Variants in CD247 observed in about 807,000 individuals in gnomAD.
The protein encoded by CD247 is T-cell surface glycoprotein CD3 zeta chain.
A neutral mutation model predicts 30.0 loss-of-function variants in CD247; 13 were observed. The observed-to-expected ratio is 0.43, with a 90% CI of 0.28 to 0.69. CD247 has a LOEUF of 0.69. Among genes scored for constraint, CD247 ranks in the 30% least tolerant of loss-of-function variants. CD247 has a pLI of 0.16. For missense variants in CD247, 193 were observed against 212.6 expected, an observed-to-expected ratio of 0.91 and a Z score of 0.57; for synonymous variants, 72 against 80.0, an observed-to-expected ratio of 0.90 and a Z score of 0.53.
chr1:167,431,491 C>T lies in CD247; in HGVS notation c.*190G>A. 1 of 674,224 alleles carries T rather than the reference C, an allele frequency of 1.5e-6. No individual in the cohort carries two copies. 41.8% of individuals were successfully genotyped at this position (674,224 alleles called of 1,614,324 possible). ...GGGCCGTAAGCCCTGGGAGTACACT[C>T]CCTTAAAGAGTGCAGGGACAACAGT... On this transcript the variant is annotated 3_prime_UTR_variant, in exon 8 of 8. Transcript: ENST00000362089.
At chr1:167,465,688 G>C (rs534158021) in intron 1 of CD247, among the ~76,000 whole-genome samples, 1 of 152,294 alleles carries the variant, frequency 6.6e-6, no homozygotes, top group African/African-American at 2.4e-5. Flanking sequence ...CAGCAACTGG[G>C]CAGTGAAAGA....
intron 1 of CD247, among the ~76,000 whole-genome samples, chr1:167,481,473 A>G (rs1214607): frequency 0.52 from 78,913 of 151,974 alleles, 20,773 homozygotes; most frequent in Admixed American, 0.62. Context: ...TTGGGAGCAG[A>G]GGGAGGATGG....
At chr1:167,476,137 C>A (rs1653735566) in intron 1 of CD247, among the ~76,000 whole-genome samples, 1 of 152,172 alleles carries the variant, frequency 6.6e-6, no homozygotes, top group Non-Finnish European at 1.5e-5. Context: ...GGTCCCCCTT[C>A]AGAAGAAAAG....
intron 1 of CD247, among the ~76,000 whole-genome samples, chr1:167,486,110 A>G (rs1368870052): frequency 1.3e-5 from 2 of 152,260 alleles, no homozygotes; most frequent in East Asian, 3.8e-4. Flanking sequence ...CAAGACAGCA[A>G]GAGAACAGGC....
At chr1:167,488,884 GA>G (rs1226377329) in intron 1 of CD247, among the ~76,000 whole-genome samples, 3 of 152,216 alleles carry the variant, frequency 2.0e-5, no homozygotes, top group Non-Finnish European at 4.4e-5. Context: ...AAAACCCAGG[GA>G]AGCGAGGGTG....
intron 1 of CD247, among the ~76,000 whole-genome samples, chr1:167,465,154 G>A (rs1374484621): frequency 1.3e-5 from 2 of 151,894 alleles, no homozygotes; most frequent in Non-Finnish European, 2.9e-5. Context: ...TCCAGACAGA[G>A]AATCATGTGT....
At chr1:167,439,664 G>T in intron 2 of CD247, 1 of 545,370 alleles carries the variant, frequency 1.8e-6, no homozygotes, top group East Asian at 3.2e-5. Context: ...ATTCTTCCCG[G>T]GCTAGCGCCC....
At chr1:167,468,570 G>A (rs1261581230) in intron 1 of CD247, among the ~76,000 whole-genome samples, 1 of 152,140 alleles carries the variant, frequency 6.6e-6, no homozygotes, top group African/African-American at 2.4e-5. Context: ...AGCCCAGCAG[G>A]AACTGTTTTA....
intron 1 of CD247, among the ~76,000 whole-genome samples, chr1:167,460,263 G>A (rs1322208530): frequency 1.3e-5 from 2 of 152,112 alleles, no homozygotes; most frequent in Non-Finnish European, 2.9e-5. Flanking sequence ...TTATCTGGGT[G>A]TGGTGGTGCG....
rs35181983 is a variant in CD247 at position 167,475,702 on chromosome 1, G to A, written c.59-34935C>T. Among the ~76,000 whole-genome samples the A allele has an allele frequency of 5.7e-3, 872 of 152,250 alleles. 8 individuals are homozygous for A. Among genetic ancestry groups the A allele is most frequent in the African/African-American group, 0.02 (837 of 41,530 alleles). On this transcript the variant is annotated intron_variant, in intron 1 of 7. Transcript: ENST00000362089. ...GTTTAGAAAAAACACAGGAGGCAGA[G>A]GAACACGTTAAATGACACCACAGGG... is the stretch of plus-strand genomic sequence containing the variant.
At chr1:167,478,169 A>G (rs1398938025) in intron 1 of CD247, among the ~76,000 whole-genome samples, 1 of 152,230 alleles carries the variant, frequency 6.6e-6, no homozygotes, top group African/African-American at 2.4e-5. Context: ...CACAGCTGCT[A>G]TATGGAAAAG....
At position 167,450,401 on chromosome 1, in the gene CD247, C is replaced by A. The variant is rs568811595; in HGVS notation, c.59-9634G>T. Among the ~76,000 whole-genome samples the A allele has an allele frequency of 3.3e-5, 5 of 151,730 alleles. No homozygotes were observed. In the South Asian group the frequency reaches 1.0e-3, roughly 32 times the overall value. On this transcript the variant is annotated intron_variant, in intron 1 of 7. Coordinates refer to ENST00000362089, the MANE Select transcript of CD247 (RefSeq NM_198053.3). ...CACAGCTACTCAGGAGGCTGAGGTG[C>A]GAGGATCACTTGAGCCCAGGAGGTC...
At chr1:167,493,462 G>A (rs988438687) in intron 1 of CD247, among the ~76,000 whole-genome samples, 1 of 152,080 alleles carries the variant, frequency 6.6e-6, no homozygotes, top group South Asian at 2.1e-4. Flanking sequence ...CAGTTACTTA[G>A]CTGAGTACTG....
intron 5 of CD247, chr1:167,434,788 G>A: frequency 1.3e-5 from 6 of 455,584 alleles, no homozygotes; most frequent in South Asian, 9.3e-5. Context: ...CAGCTAAGGA[G>A]ACTTTCTAGA....
At chr1:167,488,828 T>C (rs1654319712) in intron 1 of CD247, among the ~76,000 whole-genome samples, 1 of 152,232 alleles carries the variant, frequency 6.6e-6, no homozygotes. Flanking sequence ...CGTGTTTTTA[T>C]GTCACGTACG....
chr1:167,445,976 G>A (rs1030796583), intron 1 of CD247, among the ~76,000 whole-genome samples: 2 of 152,188 alleles, frequency 1.3e-5, no homozygotes, highest in African/African-American at 4.8e-5. Flanking sequence ...GAGACAAACA[G>A]GGGGCTACTT....
chr1:167,481,676 T>C (rs956997525), intron 1 of CD247, among the ~76,000 whole-genome samples: 1 of 152,204 alleles, frequency 6.6e-6, no homozygotes, highest in Non-Finnish European at 1.5e-5. Context: ...AAGGGTCTCA[T>C]TGAATTGATT....
intron 1 of CD247, among the ~76,000 whole-genome samples, chr1:167,478,633 C>G (rs1310454674): frequency 6.6e-6 from 1 of 152,184 alleles, no homozygotes; most frequent in Non-Finnish European, 1.5e-5. Context: ...CCAAATCCTA[C>G]TTTCTGTGCC....
intron 3 of CD247, 59 bp from the exon 4 acceptor site, chr1:167,438,709 A>G (rs1651669251): frequency 2.2e-6 from 3 of 1,350,708 alleles, no homozygotes; most frequent in Admixed American, 1.7e-5. Context: ...GGATGGAGCC[A>G]GCTGGACTGG....
Sources: gnomAD v4.1 joint callset for allele counts (sites outside exome capture counted in the v4.1 genomes callset) on GRCh38, gnomAD v4.1.1 for gene constraint, MANE v1.5 for transcripts, NCBI Gene and HGNC (gene_info 2026-07-23, HGNC 2026-07-21) for gene names.